Variants in PDGFD observed in about 807,000 individuals in gnomAD.
PDGFD encodes platelet derived growth factor D.
Under a neutral mutation model 44.7 loss-of-function variants are expected in PDGFD, and 30 were observed. That is an observed-to-expected ratio of 0.67 (90% CI 0.50 to 0.91). The LOEUF is 0.91. Among genes scored for constraint, PDGFD ranks in the 40% least tolerant of loss-of-function variants. PDGFD has a pLI of 0.00. For synonymous variants in PDGFD, 173 were observed against 168.4 expected (o/e 1.03, Z -0.21); for missense variants, 445 against 457.8 (o/e 0.97, Z 0.25).
chr11:104,146,994 G>C (rs1318924482), intron 1 of PDGFD, among the ~76,000 whole-genome samples: 1 of 145,512 alleles, frequency 6.9e-6, no homozygotes, highest in Non-Finnish European at 1.5e-5. Context: ...CCAGGCACCG[G>C]GGCATACTAA....
At chr11:103,940,765 T>C (rs1858570983) in intron 5 of PDGFD, among the ~76,000 whole-genome samples, 1 of 152,030 alleles carries the variant, frequency 6.6e-6, no homozygotes, top group African/African-American at 2.4e-5. Context: ...CTTGCCAGGG[T>C]TAAATTAAAT....
chr11:104,151,390 T>C (rs1340326466), intron 1 of PDGFD, among the ~76,000 whole-genome samples: 2 of 152,204 alleles, frequency 1.3e-5, no homozygotes, highest in East Asian at 1.9e-4. Flanking sequence ...CAACATATTT[T>C]AAGTATATTT....
intron 3 of PDGFD, among the ~76,000 whole-genome samples, chr11:103,951,463 G>C (rs549087600): frequency 6.6e-6 from 1 of 152,240 alleles, no homozygotes; most frequent in Non-Finnish European, 1.5e-5. Flanking sequence ...CACTTCTGTC[G>C]TCTGCTTAAA....
Position 104,088,926 on chromosome 11 carries a change from G to A in PDGFD, c.124+74878C>T, listed in dbSNP as rs201398556. Among the ~76,000 whole-genome samples, 43 of 149,882 alleles carry A rather than the reference G, an allele frequency of 2.9e-4. 1 individual carries two copies. Among genetic ancestry groups the A allele is most frequent in the African/African-American group, 5.1e-4 (21 of 40,950 alleles). On this transcript the variant is annotated intron_variant, in intron 1 of 6. Transcript: ENST00000393158. The stretch of plus-strand genomic sequence containing the variant: ...GCATGAACAACAAAGTGGGATGGGG[G>A]AAAAAAAAAACTACGGGAAAAAATC...
chr11:104,032,851 C>CA (rs531386539), intron 1 of PDGFD, among the ~76,000 whole-genome samples: 4 of 151,270 alleles, frequency 2.6e-5, no homozygotes, highest in East Asian at 1.9e-4. Flanking sequence ...TCTCACTTAT[C>CA]AAAAAAAATT....
chr11:103,946,764 C>A (rs890766675), intron 4 of PDGFD, among the ~76,000 whole-genome samples: 1 of 152,190 alleles, frequency 6.6e-6, no homozygotes, highest in African/African-American at 2.4e-5. Context: ...AAAGATCTCT[C>A]CAATCTTTTG....
At chr11:104,162,439 C>T (rs1426163804) in intron 1 of PDGFD, among the ~76,000 whole-genome samples, 4 of 151,960 alleles carry the variant, frequency 2.6e-5, no homozygotes, top group African/African-American at 9.7e-5. Context: ...TGGTGTTGGG[C>T]CTAATCCTTA....
At chr11:103,998,682 T>A (rs1393983542) in intron 2 of PDGFD, among the ~76,000 whole-genome samples, 3 of 152,184 alleles carry the variant, frequency 2.0e-5, no homozygotes, top group Non-Finnish European at 2.9e-5. Context: ...TTACAGCTGG[T>A]TGATCAGAAG....
intron 5 of PDGFD, among the ~76,000 whole-genome samples, chr11:103,936,811 TTTTG>T (rs890164682): frequency 3.4e-5 from 5 of 148,542 alleles, no homozygotes; most frequent in South Asian, 2.1e-4. Flanking sequence ...AATACTGTTT[TTTTG>T]TTTGTTTGTT....
At position 104,119,143 on chromosome 11, in the gene PDGFD, TA is replaced by T. The variant is rs1343071300; in HGVS notation, c.124+44660del. Reference sequence around the variant, plus strand: ...TATATTGATATAATATATAATATATTAATATAATATATTGATATAACATATA... The same window carrying T: ...TATATTGATATAATATATAATATATTATATAATATATTGATATAACATATA... On this transcript the variant is annotated intron_variant, in intron 1 of 6. Coordinates refer to ENST00000393158, the MANE Select transcript of PDGFD (RefSeq NM_025208.5). 9.6e-3 allele frequency among the ~76,000 whole-genome samples: 233 copies of T among 24,382 alleles called. 21 individuals are homozygous for T. The highest frequency in any genetic ancestry group is 0.01 in the Non-Finnish European group (141 of 13,624). The allele number at this position is 24,382 out of a possible 152,430, so 16.0% of individuals were successfully genotyped here.
intron 3 of PDGFD, among the ~76,000 whole-genome samples, chr11:103,975,163 AC>A (rs1390015276): frequency 6.6e-6 from 1 of 152,190 alleles, no homozygotes; most frequent in African/African-American, 2.4e-5. Flanking sequence ...ATGTTTCCTG[AC>A]TTTTTAGCAA....
At chr11:104,110,103 C>A (rs1028283569) in intron 1 of PDGFD, among the ~76,000 whole-genome samples, 2 of 152,004 alleles carry the variant, frequency 1.3e-5, no homozygotes, top group African/African-American at 4.8e-5. Context: ...GATTCACTTA[C>A]ATATAAAATA....
chr11:103,963,307 C>T (rs764300242), intron 3 of PDGFD, among the ~76,000 whole-genome samples: 4 of 152,066 alleles, frequency 2.6e-5, no homozygotes, highest in Non-Finnish European at 4.4e-5. Flanking sequence ...TTTCACTCTC[C>T]CTATCACTAT....
intron 1 of PDGFD, among the ~76,000 whole-genome samples, chr11:104,104,230 C>A (rs554424230): frequency 5.3e-4 from 81 of 152,148 alleles, no homozygotes; most frequent in African/African-American, 1.9e-3. Context: ...TGAGTTATTG[C>A]AAAAGGGTCA....
At chr11:104,030,572 A>C (rs541239488) in intron 1 of PDGFD, among the ~76,000 whole-genome samples, 1 of 152,344 alleles carries the variant, frequency 6.6e-6, no homozygotes, top group Non-Finnish European at 1.5e-5. Context: ...AAGAAATGTT[A>C]GGATGGGACA....
chr11:104,034,329 C>A (rs1194163206), intron 1 of PDGFD, among the ~76,000 whole-genome samples: 1 of 152,188 alleles, frequency 6.6e-6, no homozygotes, highest in Non-Finnish European at 1.5e-5. Context: ...GCTTCACATA[C>A]ACTGGGCGTT....
rs76436479 is a variant in PDGFD, at chr11:104,112,165, T to G, written c.124+51639A>C. Among the ~76,000 whole-genome samples the G allele has an allele frequency of 5.5e-4, 84 of 152,294 alleles. No homozygotes were observed. The East Asian group carries it at 0.016, about 28-fold the overall frequency. ...AGAAATAGTAAGATTAAATCAACAA[T>G]GTGTTTTTAAAACTTAAGAATAGGG... On this transcript the variant is annotated intron_variant, in intron 1 of 6. Coordinates refer to ENST00000393158, the MANE Select transcript of PDGFD (RefSeq NM_025208.5).
chr11:104,017,450 C>A (rs1859876480), intron 1 of PDGFD, among the ~76,000 whole-genome samples: 1 of 152,034 alleles, frequency 6.6e-6, no homozygotes, highest in Non-Finnish European at 1.5e-5. Context: ...AGTCACAGCC[C>A]ATGTTTTAGT....
chr11:103,928,566 T>C (rs1408309242), intron 5 of PDGFD, among the ~76,000 whole-genome samples: 1 of 152,216 alleles, frequency 6.6e-6, no homozygotes, highest in Non-Finnish European at 1.5e-5. Context: ...CGCATCCCTG[T>C]TTGTCTTTTT....
Sources: gnomAD v4.1 joint callset for allele counts (sites outside exome capture counted in the v4.1 genomes callset) on GRCh38, gnomAD v4.1.1 for gene constraint, MANE v1.5 for transcripts, NCBI Gene and HGNC (gene_info 2026-07-23, HGNC 2026-07-21) for gene names.